HCN1: variants seen among roughly 807,000 people sequenced by gnomAD.
HCN1 encodes the protein hyperpolarization activated cyclic nucleotide gated potassium channel 1, also known as potassium/sodium hyperpolarization-activated cyclic nucleotide-gated channel 1.
HCN1 carries 13 observed loss-of-function variants against 78.9 expected under a neutral mutation model. That is an observed-to-expected ratio of 0.16 (90% CI 0.11 to 0.26). The LOEUF (loss-of-function observed/expected upper bound fraction) is 0.26, where lower values mean the gene tolerates loss of function less well. Among genes scored for constraint, HCN1 ranks in the 10% least tolerant of loss-of-function variants. HCN1 has a pLI of 1.00. For synonymous variants in HCN1, 552 were observed against 455.5 expected, an observed-to-expected ratio of 1.21 and a Z score of -2.70; for missense variants, 810 against 1,154.3, an observed-to-expected ratio of 0.70 and a Z score of 4.32.
chr5:45,675,510 T>TA (rs1424709569), intron 1 of HCN1, among the ~76,000 whole-genome samples: 1 of 151,756 alleles, frequency 6.6e-6, no homozygotes, highest in Non-Finnish European at 1.5e-5. Flanking sequence ...CATGCTGAAC[T>TA]AGTAGAGAAA....
At chr5:45,583,256 G>T (rs532669008) in intron 2 of HCN1, among the ~76,000 whole-genome samples, 2 of 152,304 alleles carry the variant, frequency 1.3e-5, no homozygotes, top group African/African-American at 4.8e-5. Context: ...AGTCTTGGGA[G>T]GGTGTACGTG....
chr5:45,393,301 C>T (rs1739621133), intron 4 of HCN1, among the ~76,000 whole-genome samples: 1 of 152,056 alleles, frequency 6.6e-6, no homozygotes, highest in African/African-American at 2.4e-5. Context: ...CATAAAGCTT[C>T]TATTACTATA....
In HCN1 at chr5:45,670,150, A is replaced by C. The variant is rs182211017; in HGVS notation, c.426-24542T>G. 2.1e-4 allele frequency among the ~76,000 whole-genome samples: 32 copies of C among 151,824 alleles called. No individual in the cohort carries two copies. In the East Asian group the frequency reaches 5.6e-3, roughly 27 times the overall value. On this transcript the variant is annotated intron_variant, in intron 1 of 7. Transcript: ENST00000303230. ...CACCAAAATGGAGAAATTTGCTTTC[A>C]ATCATAGATGTAATGTATCTGCCAC... is the stretch of plus-strand genomic sequence containing the variant.
At chr5:45,541,082 A>C (rs1743096449) in intron 2 of HCN1, among the ~76,000 whole-genome samples, 1 of 152,176 alleles carries the variant, frequency 6.6e-6, no homozygotes, top group African/African-American at 2.4e-5. Context: ...AAAAATATTA[A>C]TCTAAGAGGA....
At chr5:45,598,035 G>T (rs1000717426) in intron 2 of HCN1, among the ~76,000 whole-genome samples, 7 of 152,022 alleles carry the variant, frequency 4.6e-5, no homozygotes, top group Non-Finnish European at 1.0e-4. Context: ...AGCTACCAAT[G>T]ACTTTGTTCA....
intron 2 of HCN1, among the ~76,000 whole-genome samples, chr5:45,543,904 T>C (rs1378326994): frequency 1.3e-5 from 2 of 152,050 alleles, no homozygotes; most frequent in Non-Finnish European, 2.9e-5. Context: ...ATTTCACGAA[T>C]ATGATCAATA....
chr5:45,645,520 T>C lies in HCN1; in HGVS notation c.514A>G (p.Thr172Ala), dbSNP rs1745532448. ...ACATTGAAAATAATCCATGGTGTTGTTGTTTGCTCTGTAAAGAATGTGATT... is the reference window on the plus strand; with the variant it reads ...ACATTGAAAATAATCCATGGTGTTGCTGTTTGCTCTGTAAAGAATGTGATT... ...VGITFFTEQT[T>A]TPWIIFNVAS... The change falls in exon 2 of 8, where the codon ACA becomes GCA. Residue 172 changes from threonine (T) to alanine (A), a missense_variant. Transcript: ENST00000303230. 1 of 1,612,612 alleles carries C rather than the reference T, an allele frequency of 6.2e-7. No individual in the cohort carries two copies. The highest frequency in any genetic ancestry group is 8.5e-7 in the Non-Finnish European group (1 of 1,179,052).
chr5:45,389,341 A>C (rs976989286), intron 4 of HCN1, among the ~76,000 whole-genome samples: 4 of 151,746 alleles, frequency 2.6e-5, no homozygotes, highest in African/African-American at 4.8e-5. Flanking sequence ...CCCCCATTTC[A>C]CCCTACAGTA....
chr5:45,379,560 A>G (rs1011174368), intron 4 of HCN1, among the ~76,000 whole-genome samples: 4 of 152,140 alleles, frequency 2.6e-5, no homozygotes, highest in African/African-American at 9.6e-5. Context: ...TAATTCATCC[A>G]AAGACACAAG....
intron 3 of HCN1, among the ~76,000 whole-genome samples, chr5:45,441,612 C>T (rs770622595): frequency 1.3e-5 from 2 of 152,122 alleles, no homozygotes; most frequent in Admixed American, 6.5e-5. Context: ...TCTTGTGATA[C>T]GATTAATATG....
rs999471360 is a variant in HCN1 at position 45,472,735 on chromosome 5, C to G, written c.850-10728G>C. The stretch of plus-strand genomic sequence containing the variant: ...ACTCTTTGTGACTATAGAATAGGGC[C>G]TCTAATCTGAAAAGAATACTTATCA... On this transcript the variant is annotated intron_variant, in intron 2 of 7. Coordinates refer to ENST00000303230, the MANE Select transcript of HCN1 (RefSeq NM_021072.4). Among the ~76,000 whole-genome samples the G allele has an allele frequency of 2.0e-5, 3 of 151,764 alleles. No homozygotes were observed. The East Asian group carries it at 5.8e-4, about 29-fold the overall frequency.
chr5:45,623,842 G>C lies in HCN1; in HGVS notation c.849+21343C>G, dbSNP rs535675556. The stretch of plus-strand genomic sequence containing the variant: ...AAAAATAGAACACAGCAGGATGGAT[G>C]AGTAATGATGAAGAGAGGATTATTG... On this transcript the variant is annotated intron_variant, in intron 2 of 7. Transcript: ENST00000303230. Among the ~76,000 whole-genome samples, 13 of 152,282 alleles carry C rather than the reference G, an allele frequency of 8.5e-5. No homozygotes were observed. In the East Asian group the frequency reaches 2.5e-3, roughly 29 times the overall value.
At chr5:45,625,834 C>A (rs1745153559) in intron 2 of HCN1, among the ~76,000 whole-genome samples, 1 of 151,632 alleles carries the variant, frequency 6.6e-6, no homozygotes, top group African/African-American at 2.4e-5. Context: ...AAAAAAAATT[C>A]ATTGTCTTAT....
At chr5:45,608,691 A>C (rs1009812485) in intron 2 of HCN1, among the ~76,000 whole-genome samples, 11 of 152,050 alleles carry the variant, frequency 7.2e-5, no homozygotes, top group African/African-American at 2.7e-4. Context: ...TTTTAAATTA[A>C]AAATTCTTCA....
chr5:45,298,391 C>T (rs993749588), intron 6 of HCN1, among the ~76,000 whole-genome samples: 2 of 151,906 alleles, frequency 1.3e-5, no homozygotes, highest in Non-Finnish European at 2.9e-5. Context: ...GAATCCAAGC[C>T]TCCTTGAAGA....
intron 2 of HCN1, among the ~76,000 whole-genome samples, chr5:45,613,071 G>C (rs1561220161): frequency 1.3e-5 from 2 of 151,710 alleles, no homozygotes. Context: ...AGTTACATAT[G>C]TATACATGTG....
intron 3 of HCN1, among the ~76,000 whole-genome samples, chr5:45,445,454 G>A (rs1459075351): frequency 3.3e-5 from 5 of 152,200 alleles, no homozygotes; most frequent in Non-Finnish European, 7.4e-5. Context: ...ACCTCTGGGG[G>A]CAGGGCACAG....
intron 5 of HCN1, 37 bp from the exon 6 acceptor site, chr5:45,303,876 T>A (rs778209174): frequency 6.4e-7 from 1 of 1,566,948 alleles, no homozygotes; most frequent in South Asian, 1.1e-5. Context: ...TTAAGAGAGA[T>A]ATTAATCATA....
intron 2 of HCN1, among the ~76,000 whole-genome samples, chr5:45,557,229 T>C (rs538822770): frequency 6.6e-6 from 1 of 152,056 alleles, no homozygotes; most frequent in Non-Finnish European, 1.5e-5. Flanking sequence ...TTTTGCTTTT[T>C]CTTTCTTATT....
Sources: allele counts gnomAD v4.1 joint callset (sites outside exome capture counted in the v4.1 genomes callset), GRCh38; gene constraint gnomAD v4.1.1; transcripts MANE v1.5; gene names NCBI Gene and HGNC (gene_info 2026-07-23, HGNC 2026-07-21).